Variants in PHF24 observed in about 807,000 individuals in gnomAD.
PHF24 encodes the protein Galpha inhibitory interacting protein.
PHF24 carries 25 observed loss-of-function variants against 42.6 expected under a neutral mutation model. The observed-to-expected ratio is 0.59, with a 90% CI of 0.43 to 0.82. The LOEUF (loss-of-function observed/expected upper bound fraction) is 0.82, where lower values mean the gene tolerates loss of function less well. Ranked by LOEUF, PHF24 falls within the 40% of genes least tolerant of loss-of-function variation. The pLI, the probability that PHF24 is intolerant of heterozygous loss-of-function variation, is 0.00. For missense variants in PHF24, 470 were observed against 538.1 expected, an observed-to-expected ratio of 0.87 and a Z score of 1.25; for synonymous variants, 185 against 204.8, an observed-to-expected ratio of 0.90 and a Z score of 0.83.
chr9:34,681,631 T>C, the PHF24 span, among the ~76,000 whole-genome samples: 3 of 152,312 alleles, frequency 2.0e-5, no homozygotes, highest in Admixed American at 6.5e-5. Flanking sequence ...GCCAACATGG[T>C]GAAGCCCTGT....
At chr9:34,890,728 C>A in the PHF24 span, among the ~76,000 whole-genome samples, 1 of 152,116 alleles carries the variant, frequency 6.6e-6, no homozygotes, top group African/African-American at 2.4e-5. Context: ...CCCTGGATTC[C>A]CTTGTTTTTA....
At chr9:34,905,135 A>T in the PHF24 span, among the ~76,000 whole-genome samples, 1,908 of 152,320 alleles carry the variant, frequency 0.013, 24 homozygotes, top group Non-Finnish European at 0.02. Flanking sequence ...CACTTGGTTC[A>T]GAGAACCTTG....
At chr9:34,777,491 C>T in the PHF24 span, among the ~76,000 whole-genome samples, 1,236 of 152,244 alleles carry the variant, frequency 8.1e-3, 14 homozygotes, top group Non-Finnish European at 0.013. Context: ...GGGCAATGGC[C>T]GTACTGATAC....
At chr9:34,832,268 G>C in the PHF24 span, 1 of 535,568 alleles carries the variant, frequency 1.9e-6, no homozygotes, top group Non-Finnish European at 3.3e-6. Flanking sequence ...GCAGACCAAT[G>C]TTTCTATCTG....
chr9:34,716,058 A>G, the PHF24 span, among the ~76,000 whole-genome samples: 1 of 152,194 alleles, frequency 6.6e-6, no homozygotes, highest in South Asian at 2.1e-4. Flanking sequence ...TGTATATCCA[A>G]CAAAGGTCAA....
the PHF24 span, among the ~76,000 whole-genome samples, chr9:34,676,127 C>T: frequency 1.3e-5 from 2 of 152,078 alleles, no homozygotes; most frequent in East Asian, 3.9e-4. Flanking sequence ...ATGGGGATGG[C>T]CAAGCCCAGA....
chr9:34,847,831 A>G, the PHF24 span, among the ~76,000 whole-genome samples: 1 of 152,184 alleles, frequency 6.6e-6, no homozygotes, highest in Admixed American at 6.5e-5. Context: ...ATTTTGTCAA[A>G]GACCTTTTCT....
chr9:34,816,837 C>T, the PHF24 span, among the ~76,000 whole-genome samples: 1 of 152,212 alleles, frequency 6.6e-6, no homozygotes, highest in Non-Finnish European at 1.5e-5. Flanking sequence ...ACCTCCCAAC[C>T]ACACAGACTC....
Position 34,970,115 on chromosome 9 carries a change from G to C in PHF24, c.-4-1180G>C, listed in dbSNP as rs1826922249. ...AAGCCTTGATTAGAATGGATTGAGAGCAAGGCTAAAATGGACTCTGCTCCA... is the reference window on the plus strand; with the variant it reads ...AAGCCTTGATTAGAATGGATTGAGACCAAGGCTAAAATGGACTCTGCTCCA... On this transcript the variant is annotated intron_variant, in intron 1 of 7. Coordinates refer to ENST00000242315, the Ensembl canonical transcript of PHF24. Among the ~76,000 whole-genome samples, 12 of 152,296 alleles carry C rather than the reference G, an allele frequency of 7.9e-5. No individual in the cohort carries two copies. The South Asian group carries it at 2.5e-3, about 32-fold the overall frequency.
chr9:34,824,026 C>T, the PHF24 span, among the ~76,000 whole-genome samples: 1 of 152,150 alleles, frequency 6.6e-6, no homozygotes, highest in Admixed American at 6.5e-5. Context: ...TCTGGAAATC[C>T]CCACATTGGA....
the PHF24 span, among the ~76,000 whole-genome samples, chr9:34,927,254 A>C: frequency 6.6e-6 from 1 of 152,142 alleles, no homozygotes; most frequent in African/African-American, 2.4e-5. Context: ...CCTAGGCCCA[A>C]GCTCTGTGCA....
the PHF24 span, chr9:34,836,022 C>T: frequency 5.9e-5 from 38 of 648,362 alleles, 1 homozygote; most frequent in African/African-American, 4.6e-4. Context: ...GGATTCGCCG[C>T]ACACTTCCCT....
the PHF24 span, among the ~76,000 whole-genome samples, chr9:34,773,994 T>C: frequency 6.6e-6 from 1 of 152,164 alleles, no homozygotes; most frequent in Non-Finnish European, 1.5e-5. Flanking sequence ...ATTAGTATAT[T>C]GATGATAGCA....
chr9:34,957,989 A>G (rs1479774381), upstream of PHF24, among the ~76,000 whole-genome samples: 2 of 151,174 alleles, frequency 1.3e-5, no homozygotes, highest in African/African-American at 4.8e-5. Flanking sequence ...GGGGGCGCCC[A>G]CGGGCACCTG....
At chr9:34,884,651 G>T in the PHF24 span, among the ~76,000 whole-genome samples, 9 of 152,212 alleles carry the variant, frequency 5.9e-5, no homozygotes, top group East Asian at 1.2e-3. Context: ...ACTAGAATTT[G>T]AGTGGATGAG....
chr9:34,890,602 G>A, the PHF24 span, among the ~76,000 whole-genome samples: 13 of 152,176 alleles, frequency 8.5e-5, no homozygotes, highest in Non-Finnish European at 1.3e-4. Context: ...TGGGGCCCAT[G>A]GGATGCCTGG....
the PHF24 span, chr9:34,833,348 G>T: frequency 6.4e-7 from 1 of 1,550,880 alleles, no homozygotes; most frequent in Non-Finnish European, 8.7e-7. Flanking sequence ...AGAACCCTGG[G>T]GTACTGCTTT....
At chr9:34,785,589 A>G in the PHF24 span, among the ~76,000 whole-genome samples, 1 of 152,134 alleles carries the variant, frequency 6.6e-6, no homozygotes, top group Non-Finnish European at 1.5e-5. Flanking sequence ...CAAGCCACTA[A>G]GTTTGTGGTA....
the PHF24 span, among the ~76,000 whole-genome samples, chr9:34,813,336 A>G: frequency 1.3e-5 from 2 of 152,186 alleles, no homozygotes; most frequent in African/African-American, 2.4e-5. Flanking sequence ...TCATGGCTAC[A>G]GCGTTATATT....
Sources: allele counts gnomAD v4.1 joint callset (sites outside exome capture counted in the v4.1 genomes callset), GRCh38; gene constraint gnomAD v4.1.1; transcripts MANE v1.5; gene names NCBI Gene and HGNC (gene_info 2026-07-23, HGNC 2026-07-21).